Variants in ADAM22 observed in about 807,000 individuals in gnomAD.
ADAM22 encodes disintegrin and metalloproteinase domain-containing protein 22.
In ADAM22, 65 loss-of-function variants were observed where a neutral mutation model predicts 144.6. The observed-to-expected ratio is 0.45, with a 90% confidence interval of 0.37 to 0.55. ADAM22 has a LOEUF of 0.55. Ranked by LOEUF, ADAM22 falls within the 20% of genes least tolerant of loss-of-function variation. The probability of loss-of-function intolerance (pLI) is 0.00; values close to 1 mark genes in which losing one functional copy is unlikely to be tolerated. For missense variants in ADAM22, 974 were observed against 1,184.9 expected, an observed-to-expected ratio of 0.82 and a Z score of 2.61; for synonymous variants, 391 against 412.6, an observed-to-expected ratio of 0.95 and a Z score of 0.63.
intron 30 of ADAM22, among the ~76,000 whole-genome samples, chr7:88,187,601 G>A (rs1848600560): frequency 6.6e-6 from 1 of 152,062 alleles, no homozygotes; most frequent in African/African-American, 2.4e-5. Context: ...TGACTACTTT[G>A]TGGACAACTA....
intron 3 of ADAM22, among the ~76,000 whole-genome samples, chr7:88,065,843 C>T (rs1811101358): frequency 1.3e-5 from 2 of 152,098 alleles, no homozygotes; most frequent in Non-Finnish European, 2.9e-5. Flanking sequence ...ATTGCAGGTT[C>T]AAAAGGTATA....
chr7:88,082,345 A>G (rs533197162), intron 4 of ADAM22, among the ~76,000 whole-genome samples: 10 of 152,322 alleles, frequency 6.6e-5, no homozygotes, highest in African/African-American at 2.2e-4. Flanking sequence ...TTCAAGATGG[A>G]TTAAAGACTT....
At chr7:88,083,489 A>T (rs947332322) in intron 4 of ADAM22, among the ~76,000 whole-genome samples, 3 of 151,866 alleles carry the variant, frequency 2.0e-5, no homozygotes, top group Non-Finnish European at 4.4e-5. Context: ...AAAGTATATA[A>T]AAAAAAGAAT....
chr7:88,099,150 C>G (rs1394752049), intron 4 of ADAM22, among the ~76,000 whole-genome samples: 3 of 152,162 alleles, frequency 2.0e-5, no homozygotes, highest in African/African-American at 7.2e-5. Context: ...CTTAACAGAT[C>G]TCTTAATTTT....
chr7:88,134,505 T>C (rs1287149841), intron 13 of ADAM22, 86 bp downstream of exon 13: 10 of 968,304 alleles, frequency 1.0e-5, no homozygotes, highest in Non-Finnish European at 1.5e-5. Context: ...TTGATTTAGT[T>C]GCTTGATGAA....
intron 3 of ADAM22, among the ~76,000 whole-genome samples, chr7:88,064,738 G>T (rs1810775108): frequency 6.6e-6 from 1 of 152,116 alleles, no homozygotes; most frequent in Non-Finnish European, 1.5e-5. Flanking sequence ...TGAGGGCAGA[G>T]CTTTCATGAC....
At chr7:88,055,804 C>T (rs747877773) in intron 3 of ADAM22, among the ~76,000 whole-genome samples, 6 of 152,132 alleles carry the variant, frequency 3.9e-5, no homozygotes, top group Non-Finnish European at 8.8e-5. Flanking sequence ...ATTTATGTGC[C>T]CTTTTAATTG....
intron 3 of ADAM22, among the ~76,000 whole-genome samples, chr7:88,026,172 A>G (rs534632334): frequency 6.6e-6 from 1 of 152,290 alleles, no homozygotes; most frequent in East Asian, 1.9e-4. Flanking sequence ...CAGACTGGAT[A>G]ATTTATAAAG....
At chr7:88,053,300 C>G in intron 3 of ADAM22, among the ~76,000 whole-genome samples, 1 of 151,304 alleles carries the variant, frequency 6.6e-6, no homozygotes, top group South Asian at 2.1e-4. Context: ...ACACCCTCTC[C>G]GCTAAAAAAA....
chr7:88,040,664 AC>A (rs1316988714), intron 3 of ADAM22, among the ~76,000 whole-genome samples: 2 of 152,012 alleles, frequency 1.3e-5, no homozygotes, highest in Non-Finnish European at 2.9e-5. Flanking sequence ...TTAAAATAAC[AC>A]AAATTTATTA....
chr7:88,136,538 C>G lies in ADAM22; in HGVS notation c.1220+507C>G, dbSNP rs139779025. 2.6e-4 allele frequency among the ~76,000 whole-genome samples: 39 copies of G among 152,190 alleles called. No individual in the cohort carries two copies. The East Asian group carries it at 5.6e-3, about 22-fold the overall frequency. Reference sequence around the variant, plus strand: ...AATCTGCTCTCCCGAGAAAGGTTTTCATTTTTATACTGTCCTCCCTTTCAC... The same window carrying G: ...AATCTGCTCTCCCGAGAAAGGTTTTGATTTTTATACTGTCCTCCCTTTCAC... On this transcript the variant is annotated intron_variant, in intron 14 of 31. Transcript: ENST00000413139.
intron 27 of ADAM22, among the ~76,000 whole-genome samples, chr7:88,180,746 T>C (rs1846802833): frequency 6.6e-6 from 1 of 152,132 alleles, no homozygotes; most frequent in Non-Finnish European, 1.5e-5. Flanking sequence ...TAAAAGTTCT[T>C]AAGATTTCTC....
Position 88,080,560 on chromosome 7 carries a change from T to C in ADAM22, c.390+4868T>C, listed in dbSNP as rs551548273. On this transcript the variant is annotated intron_variant, in intron 4 of 31. Coordinates refer to ENST00000413139, the MANE Select transcript of ADAM22 (RefSeq NM_001324418.2). ...TCAAAAAATCAATGAATCCAGGAGCTGGTTTTTTTTAAAAGATCAACAAAA... is the reference window on the plus strand; with the variant it reads ...TCAAAAAATCAATGAATCCAGGAGCCGGTTTTTTTTAAAAGATCAACAAAA... 6.6e-5 allele frequency among the ~76,000 whole-genome samples: 10 copies of C among 152,210 alleles called. No homozygotes were observed. The East Asian group carries it at 1.7e-3, about 26-fold the overall frequency.
At chr7:87,943,414 C>A (rs1261518020) in intron 2 of ADAM22, among the ~76,000 whole-genome samples, 1 of 151,810 alleles carries the variant, frequency 6.6e-6, no homozygotes, top group African/African-American at 2.4e-5. Context: ...ATGTGGTTTC[C>A]CATTTATCTC....
intron 9 of ADAM22, among the ~76,000 whole-genome samples, chr7:88,129,195 AT>A (rs1344136764): frequency 6.6e-6 from 1 of 152,046 alleles, no homozygotes; most frequent in Non-Finnish European, 1.5e-5. Flanking sequence ...ATGTTGTTGA[AT>A]CAAATTATTT....
chr7:88,153,434 G>C (rs748452400), intron 21 of ADAM22, 108 bp downstream of exon 21: 2 of 861,148 alleles, frequency 2.3e-6, no homozygotes, highest in Admixed American at 2.4e-5. Flanking sequence ...GTGTGCTCTT[G>C]CCTCCTTAAC....
chr7:87,955,444 C>G (rs1419079702), intron 2 of ADAM22, among the ~76,000 whole-genome samples: 2 of 152,206 alleles, frequency 1.3e-5, no homozygotes, highest in African/African-American at 4.8e-5. Context: ...GTCTGCAGAA[C>G]CGCAGATTTT....
intron 2 of ADAM22, among the ~76,000 whole-genome samples, chr7:87,950,600 TG>T (rs1844816171): frequency 6.7e-6 from 1 of 149,796 alleles, no homozygotes; most frequent in Non-Finnish European, 1.5e-5. Flanking sequence ...AATAAACATA[TG>T]TGTGCATGTG....
At chr7:88,133,055 A>C in intron 12 of ADAM22, 104 bp downstream of exon 12, 1 of 1,009,416 alleles carries the variant, frequency 9.9e-7, no homozygotes, top group Non-Finnish European at 1.5e-6. Flanking sequence ...CAGATGTTAG[A>C]TTGCTATATT....
Sources: gnomAD v4.1 joint callset for allele counts (sites outside exome capture counted in the v4.1 genomes callset) on GRCh38, gnomAD v4.1.1 for gene constraint, MANE v1.5 for transcripts, NCBI Gene and HGNC (gene_info 2026-07-23, HGNC 2026-07-21) for gene names.